Variants in CDC42BPA observed in about 807,000 individuals in gnomAD.
CDC42BPA encodes the protein serine/threonine-protein kinase MRCK alpha.
In CDC42BPA, 80 loss-of-function variants were observed where a neutral mutation model predicts 223.5. That is an observed-to-expected ratio of 0.36 (90% CI 0.30 to 0.43). CDC42BPA has a LOEUF of 0.43. CDC42BPA is among the 20% of genes least tolerant of loss of function. The pLI, the probability that CDC42BPA is intolerant of heterozygous loss-of-function variation, is 1.00. For missense variants in CDC42BPA, 1,743 were observed against 2,099.9 expected (o/e 0.83, Z 3.32); for synonymous variants, 694 against 718.6 (o/e 0.97, Z 0.55).
At chr1:227,162,566 A>G (rs1664113190) in intron 5 of CDC42BPA, among the ~76,000 whole-genome samples, 1 of 152,186 alleles carries the variant, frequency 6.6e-6, no homozygotes, top group South Asian at 2.1e-4. Context: ...CATGCCTATA[A>G]TCCCAGCACT....
At chr1:227,134,542 T>C (rs1364111680) in intron 10 of CDC42BPA, among the ~76,000 whole-genome samples, 2 of 152,220 alleles carry the variant, frequency 1.3e-5, no homozygotes, top group Admixed American at 1.3e-4. Context: ...TGTATGTGAT[T>C]TATTGTCTGT....
intron 1 of CDC42BPA, among the ~76,000 whole-genome samples, chr1:227,297,967 T>TATATATATATATATATACACACACAC (rs369403944): frequency 5.3e-5 from 7 of 132,074 alleles, no homozygotes; most frequent in African/African-American, 2.0e-4. Context: ...TATATACATA[T>TATATATATATATATATACACACACAC]ACACACACAC....
intron 35 of CDC42BPA, among the ~76,000 whole-genome samples, chr1:227,000,295 T>C (rs547637587): frequency 1.3e-5 from 2 of 152,268 alleles, no homozygotes; most frequent in South Asian, 2.1e-4. Context: ...ATATACTCTT[T>C]ACTTTTTTGA....
chr1:226,993,797 C>CA lies in CDC42BPA; in HGVS notation c.*470dup, dbSNP rs1286492771. 1.3e-5 allele frequency: 2 copies of CA among 154,854 alleles called. No homozygotes were observed. The highest frequency in any genetic ancestry group is 4.8e-5 in the African/African-American group (2 of 41,422). The allele number at this position is 154,854 out of a possible 1,614,324, so 9.6% of individuals were successfully genotyped here. A position where few individuals can be genotyped will look rare whatever the true frequency, so the allele number is the denominator to read the frequency against. The stretch of plus-strand genomic sequence containing the variant: ...TTCATAAGGATTTCCTGGCAACAAT[C>CA]AGGTTGATACTCACTGCGTTTGCTG... On this transcript the variant is annotated 3_prime_UTR_variant, in exon 37 of 37. Coordinates refer to ENST00000366766, the MANE Select transcript of CDC42BPA (RefSeq NM_001394014.1).
chr1:227,094,598 C>CAT (rs1206089514), intron 15 of CDC42BPA, among the ~76,000 whole-genome samples: 1 of 152,204 alleles, frequency 6.6e-6, no homozygotes, highest in Non-Finnish European at 1.5e-5. Context: ...ACTCTTTAAA[C>CAT]ATATCCTGTG....
At chr1:227,033,474 G>T in intron 26 of CDC42BPA, 59 bp from the exon 27 acceptor site, 1 of 1,140,290 alleles carries the variant, frequency 8.8e-7, no homozygotes, top group Non-Finnish European at 1.3e-6. Flanking sequence ...TGTGGTTTGG[G>T]GTGTGTATCC....
intron 6 of CDC42BPA, among the ~76,000 whole-genome samples, chr1:227,154,300 G>A (rs1200815491): frequency 6.6e-6 from 1 of 151,830 alleles, no homozygotes; most frequent in Admixed American, 6.6e-5. Context: ...AAAGCTAACT[G>A]CAAACATTAA....
intron 16 of CDC42BPA, among the ~76,000 whole-genome samples, chr1:227,090,069 A>G (rs1682794302): frequency 1.3e-5 from 2 of 152,178 alleles, no homozygotes; most frequent in African/African-American, 4.8e-5. Context: ...TTCAATGGAA[A>G]TAACTGTTAA....
Position 227,212,047 on chromosome 1 carries a change from C to G in CDC42BPA, c.354+1089G>C, listed in dbSNP as rs567110667. 8.6e-5 allele frequency among the ~76,000 whole-genome samples: 13 copies of G among 151,580 alleles called. 1 individual carries two copies. Among genetic ancestry groups the G allele is most frequent in the Admixed American group, 8.6e-4 (13 of 15,202 alleles). ...CTGTAATATGCTATTATTTGTTTTA[C>G]AGAGAATATATTTGTGCTTCACTTC... On this transcript the variant is annotated intron_variant, in intron 3 of 36. Transcript: ENST00000366766.
chr1:227,015,849 A>G lies in CDC42BPA; in HGVS notation c.4857+231T>C, dbSNP rs150457421. The stretch of plus-strand genomic sequence containing the variant: ...ACCTAGGCATGGGAGAAATTCTCCA[A>G]TATGGAACTAAGTAAGAACCTGATT... On this transcript the variant is annotated intron_variant, in intron 34 of 36. Coordinates refer to ENST00000366766, the MANE Select transcript of CDC42BPA (RefSeq NM_001394014.1). 3.9e-5 allele frequency among the ~76,000 whole-genome samples: 6 copies of G among 152,356 alleles called. No individual in the cohort carries two copies. The East Asian group carries it at 9.6e-4, about 24-fold the overall frequency.
intron 5 of CDC42BPA, among the ~76,000 whole-genome samples, chr1:227,193,360 G>A (rs1029885159): frequency 2.0e-5 from 3 of 151,860 alleles, no homozygotes; most frequent in East Asian, 1.9e-4. Flanking sequence ...GTGACCGGCC[G>A]AGAACTTTTT....
intron 5 of CDC42BPA, among the ~76,000 whole-genome samples, chr1:227,187,491 A>AG (rs1051398287): frequency 5.3e-5 from 8 of 151,544 alleles, no homozygotes; most frequent in Admixed American, 5.2e-4. Context: ...CTGGAAAAAA[A>AG]AAAAAAAACA....
intron 35 of CDC42BPA, among the ~76,000 whole-genome samples, chr1:226,997,690 G>C (rs1204158425): frequency 2.6e-5 from 4 of 152,142 alleles, no homozygotes; most frequent in Non-Finnish European, 5.9e-5. Flanking sequence ...ATTTATTTCT[G>C]CCTTCATTTC....
chr1:227,221,097 T>C (rs1488079020), intron 2 of CDC42BPA, among the ~76,000 whole-genome samples: 1 of 152,204 alleles, frequency 6.6e-6, no homozygotes, highest in Non-Finnish European at 1.5e-5. Flanking sequence ...CAAAGTTCAA[T>C]AACAACTGTC....
intron 32 of CDC42BPA, among the ~76,000 whole-genome samples, chr1:227,018,012 A>C (rs1666630834): frequency 6.9e-6 from 1 of 144,892 alleles, no homozygotes; most frequent in Admixed American, 7.4e-5. Flanking sequence ...CTTTCCTAAC[A>C]GTAAATATTT....
chr1:227,204,008 A>G (rs59859849), intron 3 of CDC42BPA, among the ~76,000 whole-genome samples: 23,514 of 152,138 alleles, frequency 0.15, 2,239 homozygotes, highest in African/African-American at 0.25. Flanking sequence ...AACAAAATCC[A>G]CTGATGATTA....
intron 1 of CDC42BPA, among the ~76,000 whole-genome samples, chr1:227,256,414 AC>A (rs1448574967): frequency 6.6e-6 from 1 of 152,148 alleles, no homozygotes; most frequent in Non-Finnish European, 1.5e-5. Context: ...GTAGCAAACC[AC>A]CATGGCACAT....
At chr1:227,000,475 C>T (rs931397560) in intron 35 of CDC42BPA, among the ~76,000 whole-genome samples, 11 of 152,214 alleles carry the variant, frequency 7.2e-5, no homozygotes, top group Non-Finnish European at 1.6e-4. Flanking sequence ...GAGACTTCCA[C>T]TGCTCTGCTT....
intron 3 of CDC42BPA, among the ~76,000 whole-genome samples, chr1:227,204,616 G>C (rs1672343845): frequency 6.6e-6 from 1 of 152,094 alleles, no homozygotes; most frequent in African/African-American, 2.4e-5. Flanking sequence ...ACAAGCTGAA[G>C]TGCCTCAGGG....
Sources: gnomAD v4.1 joint callset for allele counts (sites outside exome capture counted in the v4.1 genomes callset) on GRCh38, gnomAD v4.1.1 for gene constraint, MANE v1.5 for transcripts, NCBI Gene and HGNC (gene_info 2026-07-23, HGNC 2026-07-21) for gene names.